Variants in DEPDC7 observed in about 807,000 individuals in gnomAD.
DEPDC7 encodes the protein DEP domain containing 7.
In DEPDC7, 41 loss-of-function variants were observed where a neutral mutation model predicts 56.6. The observed-to-expected ratio is 0.72, with a 90% CI of 0.56 to 0.94. The LOEUF is 0.94. Among genes scored for constraint, DEPDC7 ranks in the 40% least tolerant of loss-of-function variants. DEPDC7 has a pLI of 0.00. For missense variants in DEPDC7, 522 were observed against 596.3 expected, an observed-to-expected ratio of 0.88 and a Z score of 1.30; for synonymous variants, 185 against 208.8, an observed-to-expected ratio of 0.89 and a Z score of 0.98.
intron 1 of DEPDC7, 70 bp downstream of exon 1, chr11:33,016,098 G>C: frequency 3.9e-6 from 5 of 1,285,196 alleles, no homozygotes; most frequent in Non-Finnish European, 4.9e-6. Flanking sequence ...GTCCCGGCGC[G>C]GGGCGGGCGG....
intron 8 of DEPDC7, 99 bp from the exon 9 acceptor site, chr11:33,033,163 T>C (rs1853651423): frequency 9.6e-7 from 1 of 1,038,748 alleles, no homozygotes; most frequent in Non-Finnish European, 1.4e-6. Flanking sequence ...TATTACAAAA[T>C]GGGGAAGAAA....
chr11:33,021,486 C>T (rs1853524007), intron 1 of DEPDC7, among the ~76,000 whole-genome samples: 1 of 152,106 alleles, frequency 6.6e-6, no homozygotes, highest in Admixed American at 6.6e-5. Flanking sequence ...TCTGCTATAC[C>T]AATATTCATT....
At chr11:33,023,887 A>G (rs1362685006) in intron 1 of DEPDC7, among the ~76,000 whole-genome samples, 1 of 152,160 alleles carries the variant, frequency 6.6e-6, no homozygotes, top group Non-Finnish European at 1.5e-5. Context: ...TTACCATTGT[A>G]CTCATGCATA....
At chr11:33,029,489 CAA>C (rs10610753) in intron 4 of DEPDC7, among the ~76,000 whole-genome samples, 37,844 of 92,232 alleles carry the variant, frequency 0.41, 4,850 homozygotes, top group East Asian at 0.46. Context: ...GAGAATGTCT[CAA>C]AAAAAAAAAA....
chr11:33,031,931 T>C (rs1853637124), intron 5 of DEPDC7, among the ~76,000 whole-genome samples: 2 of 152,216 alleles, frequency 1.3e-5, no homozygotes, highest in African/African-American at 4.8e-5. Context: ...CTGCTTTGTC[T>C]CTCTACCAAT....
At chr11:33,028,135 G>T in intron 3 of DEPDC7, 1 of 217,336 alleles carries the variant, frequency 4.6e-6, no homozygotes, top group Non-Finnish European at 8.9e-6. Context: ...AGTAAAATTT[G>T]AAAATTACAT....
intron 4 of DEPDC7, among the ~76,000 whole-genome samples, chr11:33,030,294 T>A (rs1255235932): frequency 6.6e-6 from 1 of 152,112 alleles, no homozygotes; most frequent in Non-Finnish European, 1.5e-5. Flanking sequence ...AATCAGAATT[T>A]GCGCTAGAAG....
chr11:33,020,692 C>G (rs1329564381), intron 1 of DEPDC7, among the ~76,000 whole-genome samples: 1 of 152,152 alleles, frequency 6.6e-6, no homozygotes, highest in Admixed American at 6.5e-5. Context: ...GGCTGGAGTG[C>G]AGTGGTGCGA....
At chr11:33,022,578 G>T (rs1853534041) in intron 1 of DEPDC7, among the ~76,000 whole-genome samples, 1 of 152,128 alleles carries the variant, frequency 6.6e-6, no homozygotes, top group African/African-American at 2.4e-5. Context: ...TAATAATAAA[G>T]ATTTGAAAAA....
In DEPDC7 at chr11:33,032,805, A is replaced by T. The variant is rs1853647171; in HGVS notation, c.1263+12A>T. On this transcript the variant is annotated intron_variant, in intron 7 of 8. Transcript: ENST00000241051. ...AAGATGTTTTTAAGGTAAAATTGTG[A>T]AAGTAGTTAAATTGAGCTTATGTAA... 6.3e-7 allele frequency: 1 copy of T among 1,595,906 alleles called. No individual in the cohort carries two copies. Among genetic ancestry groups the T allele is most frequent in the African/African-American group, 1.4e-5 (1 of 73,844 alleles).
intron 2 of DEPDC7, 91 bp from the exon 3 acceptor site, chr11:33,027,595 G>A: frequency 8.2e-7 from 1 of 1,220,980 alleles, no homozygotes; most frequent in East Asian, 2.8e-5. Context: ...GCTCTGAAAT[G>A]CATAACTCTG....
chr11:33,032,610 T>A, intron 6 of DEPDC7, 58 bp from the exon 7 acceptor site: 1 of 1,356,058 alleles, frequency 7.4e-7, no homozygotes. Context: ...TATTCCCTTT[T>A]ATATTAAACT....
Position 33,027,725 on chromosome 11 carries a change from A to G in DEPDC7, c.504A>G (p.Ser168=). The G allele has an allele frequency of 2.6e-6, 4 of 1,565,288 alleles. No individual in the cohort carries two copies. Among genetic ancestry groups the G allele is most frequent in the Admixed American group, 2.1e-5 (1 of 46,964 alleles). ...DALFKSSDIR[S]ASLEDLWENL... ...TATTTAAGTCATCCGATATCAGATC[A>G]GCCAGTTTAGAGGACCTGTGGGAAA... Residue 168 remains serine, a synonymous_variant, in exon 3 of 9, where the codon TCA becomes TCG. Coordinates refer to ENST00000241051, the MANE Select transcript of DEPDC7 (RefSeq NM_001077242.2).
chr11:33,031,428 A>C lies in DEPDC7; in HGVS notation c.833A>C (p.Asp278Ala), dbSNP rs1853631544. The C allele has an allele frequency of 6.2e-7, 1 of 1,614,206 alleles. No individual in the cohort carries two copies. Among genetic ancestry groups the C allele is most frequent in the Non-Finnish European group, 8.5e-7 (1 of 1,180,026 alleles). ...ATTGACTGTTTAGAATACCTTCCAG[A>C]CCAAATGGTGGTGGAAATAAGCAGA... Reference protein sequence around the residue: ...AAIDCLEYLPDQMVVEISRSF... With the variant: ...AAIDCLEYLPAQMVVEISRSF... Residue 278 changes from aspartate to alanine, a missense_variant, in exon 5 of 9, where the codon GAC becomes GCC. Physicochemically the swap from Asp to Ala is moderately radical, Grantham distance 126. Transcript: ENST00000241051.
chr11:33,032,283 T>G, intron 5 of DEPDC7, 53 bp from the exon 6 acceptor site: 1 of 1,490,496 alleles, frequency 6.7e-7, no homozygotes, highest in Non-Finnish European at 9.0e-7. Context: ...TTTGTTCCCT[T>G]TAATATAGTC....
intron 3 of DEPDC7, 128 bp from the exon 4 acceptor site, chr11:33,028,475 C>A: frequency 1.5e-6 from 1 of 676,962 alleles, no homozygotes; most frequent in African/African-American, 1.8e-5. Flanking sequence ...GAAAGCACTT[C>A]GTAAGGTTGA....
chr11:33,019,171 A>T (rs1453867968), intron 1 of DEPDC7, among the ~76,000 whole-genome samples: 1 of 152,100 alleles, frequency 6.6e-6, no homozygotes, highest in Non-Finnish European at 1.5e-5. Context: ...AGTCAACCCA[A>T]GGTTTCTTAA....
chr11:33,023,566 C>T (rs1441952475), intron 1 of DEPDC7, among the ~76,000 whole-genome samples: 1 of 152,066 alleles, frequency 6.6e-6, no homozygotes, highest in Non-Finnish European at 1.5e-5. Context: ...CGGAGTCTTG[C>T]TTTGTCGTCC....
At chr11:33,021,342 T>G (rs1425026806) in intron 1 of DEPDC7, among the ~76,000 whole-genome samples, 1 of 151,966 alleles carries the variant, frequency 6.6e-6, no homozygotes, top group African/African-American at 2.4e-5. Flanking sequence ...GTTGTTTAGC[T>G]CATATGAAAG....
Sources: allele counts gnomAD v4.1 joint callset (sites outside exome capture counted in the v4.1 genomes callset), GRCh38; gene constraint gnomAD v4.1.1; transcripts MANE v1.5; gene names NCBI Gene and HGNC (gene_info 2026-07-23, HGNC 2026-07-21).